Variants in KCNMA1 observed in about 807,000 individuals in gnomAD.
KCNMA1 encodes potassium calcium-activated channel subfamily M alpha 1.
KCNMA1 carries 29 observed loss-of-function variants against 140.0 expected under a neutral mutation model. The ratio of observed to expected loss-of-function variants is 0.21; its 90% CI spans 0.15 to 0.28. The LOEUF (loss-of-function observed/expected upper bound fraction) is 0.28, where lower values mean the gene tolerates loss of function less well. KCNMA1 is among the 10% of genes least tolerant of loss of function. KCNMA1 has a pLI of 1.00. For synonymous variants in KCNMA1, 612 were observed against 611.9 expected (o/e 1.00, Z 0.00); for missense variants, 880 against 1,602.2 (o/e 0.55, Z 7.70).
intron 2 of KCNMA1, among the ~76,000 whole-genome samples, chr10:77,265,103 G>A (rs1451945422): frequency 6.6e-6 from 1 of 151,902 alleles, no homozygotes; most frequent in African/African-American, 2.4e-5. Context: ...CCAGGCTAGA[G>A]TGCAGTGGCA....
At chr10:76,925,070 T>A (rs191246043) in intron 23 of KCNMA1, among the ~76,000 whole-genome samples, 320 of 152,348 alleles carry the variant, frequency 2.1e-3, no homozygotes, top group Non-Finnish European at 2.5e-4. Flanking sequence ...CACATTTAGT[T>A]ACTTTATGAA....
chr10:77,312,162 C>T (rs2079487229), intron 2 of KCNMA1, among the ~76,000 whole-genome samples: 2 of 152,164 alleles, frequency 1.3e-5, no homozygotes, highest in South Asian at 2.1e-4. Flanking sequence ...GGGAGTGGGA[C>T]AGAAGCTTCC....
chr10:76,913,925 C>T, intron 24 of KCNMA1: 1 of 666,130 alleles, frequency 1.5e-6, no homozygotes. Context: ...ACAAATAAAA[C>T]ACATTCAAAG....
At chr10:77,156,956 C>T (rs1168622507) in intron 5 of KCNMA1, among the ~76,000 whole-genome samples, 1 of 152,156 alleles carries the variant, frequency 6.6e-6, no homozygotes, top group Non-Finnish European at 1.5e-5. Context: ...AAACTCCTAA[C>T]CTCCTAGCCT....
intron 23 of KCNMA1, among the ~76,000 whole-genome samples, chr10:76,932,088 G>A (rs2059431466): frequency 1.3e-5 from 2 of 152,226 alleles, no homozygotes; most frequent in Admixed American, 1.3e-4. Context: ...GGGTTGCCAT[G>A]TATGGTTGTG....
chr10:77,193,033 T>C (rs1255136160), intron 3 of KCNMA1, among the ~76,000 whole-genome samples: 1 of 149,192 alleles, frequency 6.7e-6, no homozygotes, highest in African/African-American at 2.4e-5. Context: ...GAGTTTGTTA[T>C]TCTCCTTTTT....
chr10:77,434,390 A>T (rs1349409334), intron 1 of KCNMA1, among the ~76,000 whole-genome samples: 1 of 152,200 alleles, frequency 6.6e-6, no homozygotes, highest in East Asian at 1.9e-4. Context: ...CGGTCAGAAC[A>T]GGGAAGATCG....
intron 1 of KCNMA1, among the ~76,000 whole-genome samples, chr10:77,434,539 C>T (rs1240540544): frequency 6.6e-6 from 1 of 152,192 alleles, no homozygotes; most frequent in Non-Finnish European, 1.5e-5. Flanking sequence ...TATGGATTGA[C>T]ATACATTCTT....
At chr10:77,591,754 C>T (rs961205631) in intron 1 of KCNMA1, among the ~76,000 whole-genome samples, 5 of 152,206 alleles carry the variant, frequency 3.3e-5, no homozygotes, top group Non-Finnish European at 7.3e-5. Flanking sequence ...CGCACATGCC[C>T]ATCAATCCCC....
intron 2 of KCNMA1, among the ~76,000 whole-genome samples, chr10:77,382,984 GTGTGTGTGTGTATATATATATA>G (rs749117994): frequency 0.086 from 7,691 of 89,240 alleles, 416 homozygotes; most frequent in Non-Finnish European, 0.1. Context: ...GTGTGTGTGT[GTGTGTGTGTGTATATATATATA>G]TATATATATA....
intron 25 of KCNMA1, among the ~76,000 whole-genome samples, chr10:76,896,826 C>T (rs2042709990): frequency 6.6e-6 from 1 of 151,748 alleles, no homozygotes; most frequent in African/African-American, 2.4e-5. Flanking sequence ...CTAAAATTGA[C>T]TGTAGTGATG....
At chr10:77,471,410 AC>A (rs1298645606) in intron 1 of KCNMA1, among the ~76,000 whole-genome samples, 1 of 151,048 alleles carries the variant, frequency 6.6e-6, no homozygotes, top group Non-Finnish European at 1.5e-5. Context: ...TCACACATAC[AC>A]ACACCAAGCA....
intron 1 of KCNMA1, among the ~76,000 whole-genome samples, chr10:77,411,466 T>C (rs2096616700): frequency 6.6e-6 from 1 of 152,202 alleles, no homozygotes; most frequent in Non-Finnish European, 1.5e-5. Flanking sequence ...ACGTTGGTAC[T>C]AATGTCCTCC....
chr10:77,353,873 A>C (rs1404317694), intron 2 of KCNMA1, among the ~76,000 whole-genome samples: 3 of 151,728 alleles, frequency 2.0e-5, no homozygotes, highest in Non-Finnish European at 4.4e-5. Flanking sequence ...ACATGAACGC[A>C]GGCACAGTTG....
chr10:77,083,317 T>C (rs2096620943), intron 12 of KCNMA1, among the ~76,000 whole-genome samples: 1 of 152,188 alleles, frequency 6.6e-6, no homozygotes, highest in Non-Finnish European at 1.5e-5. Flanking sequence ...AGTCATTTCA[T>C]TGTCACACAA....
At chr10:77,486,172 C>G (rs1262671439) in intron 1 of KCNMA1, among the ~76,000 whole-genome samples, 2 of 152,192 alleles carry the variant, frequency 1.3e-5, no homozygotes, top group Non-Finnish European at 2.9e-5. Context: ...GTGGCCAGGA[C>G]AGACCTTCAG....
intron 18 of KCNMA1, 130 bp from the exon 19 acceptor site, chr10:77,001,710 C>T: frequency 1.4e-6 from 1 of 709,798 alleles, no homozygotes; most frequent in East Asian, 2.7e-5. Flanking sequence ...CAGTCTTGAC[C>T]CAGAAAAAAA....
At chr10:77,387,277 T>C (rs769127215) in intron 2 of KCNMA1, among the ~76,000 whole-genome samples, 3 of 152,194 alleles carry the variant, frequency 2.0e-5, no homozygotes, top group Non-Finnish European at 4.4e-5. Flanking sequence ...AGAAGGCTGC[T>C]ACAGGAAGCT....
chr10:76,998,171 G>A (rs1300796580), intron 19 of KCNMA1, among the ~76,000 whole-genome samples: 1 of 152,110 alleles, frequency 6.6e-6, no homozygotes. Context: ...CGAGCAGGCA[G>A]CCCCTGTTGT....
Sources: gnomAD v4.1 joint callset for allele counts (sites outside exome capture counted in the v4.1 genomes callset) on GRCh38, gnomAD v4.1.1 for gene constraint, MANE v1.5 for transcripts, NCBI Gene and HGNC (gene_info 2026-07-23, HGNC 2026-07-21) for gene names.